The following RBM47 variants were observed in gnomAD, a reference collection of about 807,000 sequenced individuals.
RBM47 encodes the protein RNA binding motif protein 47.
RBM47 carries 21 observed loss-of-function variants against 47.1 expected under a neutral mutation model. The observed-to-expected ratio is 0.45, with a 90% CI of 0.32 to 0.64. The LOEUF is 0.64. Ranked by LOEUF, RBM47 falls within the 30% of genes least tolerant of loss-of-function variation. RBM47 has a pLI of 0.05. For missense variants in RBM47, 708 were observed against 870.9 expected (o/e 0.81, Z 2.35); for synonymous variants, 375 against 361.7 (o/e 1.04, Z -0.42).
At chr4:40,581,629 G>A (rs1732956845) in intron 1 of RBM47, among the ~76,000 whole-genome samples, 2 of 151,690 alleles carry the variant, frequency 1.3e-5, no homozygotes, top group African/African-American at 4.8e-5. Flanking sequence ...GGGGGTGGTG[G>A]GGGAAGAGGT....
At chr4:40,554,041 G>A (rs1035711573) in intron 1 of RBM47, among the ~76,000 whole-genome samples, 5 of 152,040 alleles carry the variant, frequency 3.3e-5, no homozygotes, top group African/African-American at 9.7e-5. Flanking sequence ...CAGGAGACGC[G>A]GGACCACTTA....
At chr4:40,617,225 TC>T (rs1736835694) in intron 1 of RBM47, among the ~76,000 whole-genome samples, 1 of 152,106 alleles carries the variant, frequency 6.6e-6, no homozygotes, top group Admixed American at 6.6e-5. Flanking sequence ...GTGGGATGAA[TC>T]TCTGTTCACA....
chr4:40,560,932 T>C (rs1380093808), intron 1 of RBM47, among the ~76,000 whole-genome samples: 2 of 151,684 alleles, frequency 1.3e-5, no homozygotes, highest in Admixed American at 6.6e-5. Context: ...GCCACTGCAC[T>C]TCAGCCTGGG....
At chr4:40,452,399 G>C (rs143617566) in intron 3 of RBM47, among the ~76,000 whole-genome samples, 1 of 152,282 alleles carries the variant, frequency 6.6e-6, no homozygotes, top group Non-Finnish European at 1.5e-5. Flanking sequence ...CCATGACTAG[G>C]AAGTTCAGGC....
chr4:40,426,230 G>A, intron 6 of RBM47, 87 bp from the exon 7 acceptor site: 1 of 1,504,020 alleles, frequency 6.6e-7, no homozygotes, highest in Non-Finnish European at 8.9e-7. Flanking sequence ...CCAGAAGACG[G>A]GAATACAAAG....
intron 1 of RBM47, among the ~76,000 whole-genome samples, chr4:40,608,581 T>G (rs868320580): frequency 4.5e-4 from 69 of 152,324 alleles, no homozygotes; most frequent in African/African-American, 1.6e-3. Flanking sequence ...AAGCCCTTTC[T>G]TTTGTCAATG....
Position 40,628,662 on chromosome 4 carries a change from T to TTA in RBM47, c.-240+733_-240+734insTA, listed in dbSNP as rs398092332. Reference sequence around the variant, plus strand: ...AGTGAGTCATTAAAATACCACCAGATAAAAAAAAAAGGTTTGATTTTTAGT... The same window carrying TTA: ...AGTGAGTCATTAAAATACCACCAGATTAAAAAAAAAAAGGTTTGATTTTTAGT... On this transcript the variant is annotated intron_variant, in intron 1 of 6. Coordinates refer to ENST00000295971, the MANE Select transcript of RBM47 (RefSeq NM_001098634.2). This position sits in a 1 kb window ranked among gnomAD's most constrained non-coding sequence, Gnocchi z 4.0. 1.8e-4 allele frequency among the ~76,000 whole-genome samples: 19 copies of TTA among 106,616 alleles called. No homozygotes were observed. Among genetic ancestry groups the TTA allele is most frequent in the South Asian group, 6.5e-4 (2 of 3,082 alleles). The allele number at this position is 106,616 out of a possible 152,430, so 69.9% of individuals were successfully genotyped here.
rs140872997 is a variant in RBM47 at position 40,527,891 on chromosome 4, G to C, written c.-155+16531C>G. On this transcript the variant is annotated intron_variant, in intron 2 of 6. Coordinates refer to ENST00000295971, the MANE Select transcript of RBM47 (RefSeq NM_001098634.2). ...TGTTTACCCTTGAGGAAACTGACCT[G>C]CTTCAGTTAAATGAGATATTCTAAG... Among the ~76,000 whole-genome samples, 3 of 152,166 alleles carry C rather than the reference G, an allele frequency of 2.0e-5. No individual in the cohort carries two copies. In the East Asian group the frequency reaches 5.8e-4, roughly 29 times the overall value.
At chr4:40,505,831 G>A (rs1342155102) in intron 2 of RBM47, among the ~76,000 whole-genome samples, 1 of 152,016 alleles carries the variant, frequency 6.6e-6, no homozygotes, top group East Asian at 1.9e-4. Context: ...AGCAGACGTT[G>A]CAGTGAGCCG....
rs1714798894 is a variant in RBM47 at position 40,424,817 on chromosome 4, C to T, written c.*1087G>A. On this transcript the variant is annotated 3_prime_UTR_variant, in exon 7 of 7. Coordinates refer to ENST00000295971, the MANE Select transcript of RBM47 (RefSeq NM_001098634.2). ...AACATACATTCTTTGTCCCTACAAACTCATACTTCAAAAATGAATAAAAGC... is the reference window on the plus strand; with the variant it reads ...AACATACATTCTTTGTCCCTACAAATTCATACTTCAAAAATGAATAAAAGC... The T allele has an allele frequency of 6.6e-6, 1 of 152,140 alleles. No homozygotes were observed. Among genetic ancestry groups the T allele is most frequent in the Admixed American group, 6.5e-5 (1 of 15,272 alleles). The allele number at this position is 152,140 out of a possible 1,614,324, so 9.4% of individuals were successfully genotyped here. A position where few individuals can be genotyped will look rare whatever the true frequency, so the allele number is the denominator to read the frequency against.
intron 2 of RBM47, among the ~76,000 whole-genome samples, chr4:40,475,980 G>A (rs1158412957): frequency 6.6e-6 from 1 of 152,154 alleles, no homozygotes; most frequent in Admixed American, 6.5e-5. Flanking sequence ...TGTAACTGAT[G>A]GATTTGGGGA....
chr4:40,625,575 C>T (rs1737666098), intron 1 of RBM47, among the ~76,000 whole-genome samples: 1 of 152,078 alleles, frequency 6.6e-6, no homozygotes, highest in Non-Finnish European at 1.5e-5. Flanking sequence ...CGTCTGGGAA[C>T]GGGTTGTCTT....
chr4:40,556,355 T>C (rs752546175), intron 1 of RBM47, among the ~76,000 whole-genome samples: 10 of 151,640 alleles, frequency 6.6e-5, no homozygotes, highest in Non-Finnish European at 1.0e-4. Flanking sequence ...TTTTTAAGAT[T>C]ACACTATGAG....
chr4:40,615,633 T>G (rs1240407694), intron 1 of RBM47, among the ~76,000 whole-genome samples: 1 of 151,796 alleles, frequency 6.6e-6, no homozygotes, highest in Non-Finnish European at 1.5e-5. Context: ...ATACAAAAAT[T>G]AGCTGGGCAT....
At position 40,438,185 on chromosome 4, in the gene RBM47, C is replaced by A; in HGVS notation, c.709G>T (p.Val237Leu). 1.2e-6 allele frequency: 2 copies of A among 1,609,710 alleles called. No individual in the cohort carries two copies. Among genetic ancestry groups the A allele is most frequent in the Non-Finnish European group, 1.7e-6 (2 of 1,179,998 alleles). Reference sequence around the variant, plus strand: ...ACGGTCTCCATCACGTCCTCGTCCACGTCGATCTCAGGTTCGGCCCAGTCC... The same window carrying A: ...ACGGTCTCCATCACGTCCTCGTCCAAGTCGATCTCAGGTTCGGCCCAGTCC... ...AVDWAEPEID[V>L]DEDVMETVKI... is the part of the protein sequence containing the mutation. Residue 237 changes from valine to leucine, a missense_variant, in exon 4 of 7, where the codon GTG (valine) becomes TTG (leucine). Val to Leu is a conservative substitution (Grantham distance 32). Coordinates refer to ENST00000295971, the MANE Select transcript of RBM47 (RefSeq NM_001098634.2).
intron 1 of RBM47, among the ~76,000 whole-genome samples, chr4:40,600,007 AT>A (rs898418841): frequency 6.0e-5 from 9 of 149,766 alleles, no homozygotes; most frequent in Admixed American, 6.7e-5. Context: ...CAAAGGAGGA[AT>A]TTTTTTTTTC....
At chr4:40,563,996 G>A (rs773667748) in intron 1 of RBM47, among the ~76,000 whole-genome samples, 7 of 152,172 alleles carry the variant, frequency 4.6e-5, no homozygotes, top group Non-Finnish European at 7.3e-5. Context: ...AATTGCTTGA[G>A]CCCAGGAGTT....
At chr4:40,499,192 T>C (rs1201311039) in intron 2 of RBM47, among the ~76,000 whole-genome samples, 2 of 152,222 alleles carry the variant, frequency 1.3e-5, no homozygotes, top group Admixed American at 6.5e-5. Flanking sequence ...CTTCAATATG[T>C]TTGTAATTTT....
chr4:40,596,841 G>C (rs1353736889), intron 1 of RBM47, among the ~76,000 whole-genome samples: 1 of 151,970 alleles, frequency 6.6e-6, no homozygotes, highest in Non-Finnish European at 1.5e-5. Flanking sequence ...GGGCACGAGG[G>C]GCTTCAGTTA....
Sources: allele counts gnomAD v4.1 joint callset (sites outside exome capture counted in the v4.1 genomes callset), GRCh38; gene constraint gnomAD v4.1.1; non-coding constraint Gnocchi (gnomAD v3.1); transcripts MANE v1.5; gene names NCBI Gene and HGNC (gene_info 2026-07-23, HGNC 2026-07-21).